The following STX6 variants were observed in gnomAD, a reference collection of about 807,000 sequenced individuals.
STX6 encodes the protein syntaxin 6.
STX6 carries 23 observed loss-of-function variants against 38.0 expected under a neutral mutation model. The observed-to-expected ratio is 0.60, with a 90% CI of 0.43 to 0.86. The LOEUF (loss-of-function observed/expected upper bound fraction) is 0.86, where lower values mean the gene tolerates loss of function less well. STX6 is among the 40% of genes least tolerant of loss of function. The probability of loss-of-function intolerance (pLI) is 0.00; values close to 1 mark genes in which losing one functional copy is unlikely to be tolerated. For synonymous variants in STX6, 123 were observed against 107.5 expected, an observed-to-expected ratio of 1.14 and a Z score of -0.89; for missense variants, 274 against 312.9, an observed-to-expected ratio of 0.88 and a Z score of 0.94.
intron 3 of STX6, among the ~76,000 whole-genome samples, chr1:180,996,524 C>G (rs1266206733): frequency 6.6e-6 from 1 of 152,082 alleles, no homozygotes; most frequent in African/African-American, 2.4e-5. Context: ...TTCTGATACT[C>G]TATCAGAAAT....
At chr1:180,980,197 ACTCTGT>A (rs1571323740) in intron 7 of STX6, among the ~76,000 whole-genome samples, 1 of 109,490 alleles carries the variant, frequency 9.1e-6, no homozygotes, top group East Asian at 2.9e-4. Flanking sequence ...ACAGAGTCAG[ACTCTGT>A]CTCAAAAAAA....
intron 7 of STX6, among the ~76,000 whole-genome samples, chr1:180,977,737 C>A (rs1211689096): frequency 6.6e-6 from 1 of 152,316 alleles, no homozygotes; most frequent in East Asian, 1.9e-4. Context: ...GATTTTAGCA[C>A]ACTATAGTTA....
At chr1:180,986,580 G>A (rs997611424) in intron 6 of STX6, among the ~76,000 whole-genome samples, 2 of 152,174 alleles carry the variant, frequency 1.3e-5, no homozygotes, top group Non-Finnish European at 2.9e-5. Flanking sequence ...GGTCTCCTCT[G>A]TCACCCAGGT....
intron 1 of STX6, among the ~76,000 whole-genome samples, chr1:181,021,110 C>T (rs940400152): frequency 6.6e-6 from 1 of 151,556 alleles, no homozygotes; most frequent in Admixed American, 6.6e-5. Flanking sequence ...TATAGGATAC[C>T]ATCAAGAAAA....
At chr1:181,019,400 T>C (rs2102336710) in intron 1 of STX6, among the ~76,000 whole-genome samples, 1 of 148,806 alleles carries the variant, frequency 6.7e-6, no homozygotes, top group South Asian at 2.1e-4. Flanking sequence ...CATAGTCTAA[T>C]AATGAAAGAG....
At chr1:180,988,376 T>G in intron 5 of STX6, 31 bp from the exon 6 acceptor site, 1 of 1,566,018 alleles carries the variant, frequency 6.4e-7, no homozygotes, top group South Asian at 1.1e-5. Context: ...AATAAGCAAT[T>G]AAAATCCATC....
rs994697140 is a variant in STX6, at chr1:180,984,756, G to A, written c.612C>T (p.Phe204=). 1.5e-5 allele frequency: 23 copies of A among 1,577,704 alleles called. No individual in the cohort carries two copies. Among genetic ancestry groups the A allele is most frequent in the Non-Finnish European group, 1.9e-5 (22 of 1,147,156 alleles). ...LEEQAVMLED[F]SHELESTQSR... ...ACTGAGTGCTCTCCAATTCGTGAGA[G>A]AAATCTTCCAACATACTAGAGAGAA... The change falls in exon 7 of 8, where the codon TTC becomes TTT. Residue 204 remains phenylalanine, a synonymous_variant. Coordinates refer to ENST00000258301, the MANE Select transcript of STX6 (RefSeq NM_005819.6).
chr1:181,022,562 C>A, intron 1 of STX6, 77 bp downstream of exon 1: 4 of 1,494,280 alleles, frequency 2.7e-6, no homozygotes, highest in Non-Finnish European at 3.7e-6. Flanking sequence ...CCTCCCCCCA[C>A]TGCGAGAAGA....
chr1:181,008,047 A>G (rs1656278781), intron 1 of STX6, among the ~76,000 whole-genome samples: 1 of 152,230 alleles, frequency 6.6e-6, no homozygotes, highest in Non-Finnish European at 1.5e-5. Context: ...AGGGAGGAGA[A>G]TTTTAATAGT....
intron 3 of STX6, among the ~76,000 whole-genome samples, chr1:180,994,389 T>G (rs924241291): frequency 4.6e-5 from 7 of 152,168 alleles, no homozygotes; most frequent in Admixed American, 1.3e-4. Context: ...ATCTATCCAT[T>G]TAGCAAACAC....
chr1:180,982,155 G>A lies in STX6; in HGVS notation c.691+2522C>T, dbSNP rs527612862. 7.9e-5 allele frequency among the ~76,000 whole-genome samples: 12 copies of A among 152,264 alleles called. No individual in the cohort carries two copies. The South Asian group carries it at 1.2e-3, about 16-fold the overall frequency. Reference sequence around the variant, plus strand: ...CAGCCACGGGGAGCGGAGATGGTCCGCCTGTGTGCCTGTAACTACTTAATC... The same window carrying A: ...CAGCCACGGGGAGCGGAGATGGTCCACCTGTGTGCCTGTAACTACTTAATC... On this transcript the variant is annotated intron_variant, in intron 7 of 7. Transcript: ENST00000258301.
At chr1:180,992,168 G>C (rs976000162) in intron 4 of STX6, among the ~76,000 whole-genome samples, 1 of 151,986 alleles carries the variant, frequency 6.6e-6, no homozygotes, top group African/African-American at 2.4e-5. Context: ...TTCAAGAGAG[G>C]GAGCCAGATG....
intron 3 of STX6, among the ~76,000 whole-genome samples, chr1:180,999,930 C>T (rs1004096163): frequency 6.6e-6 from 1 of 152,218 alleles, no homozygotes; most frequent in Non-Finnish European, 1.5e-5. Context: ...GAAATCTCTA[C>T]ATACAAACAC....
chr1:181,013,672 C>T (rs2102331582), intron 1 of STX6, among the ~76,000 whole-genome samples: 1 of 152,242 alleles, frequency 6.6e-6, no homozygotes. Flanking sequence ...ACAATGACCC[C>T]AAAATTTAGT....
chr1:180,981,995 G>GT (rs1316250748), intron 7 of STX6, among the ~76,000 whole-genome samples: 1 of 152,154 alleles, frequency 6.6e-6, no homozygotes, highest in African/African-American at 2.4e-5. Flanking sequence ...ATGTTGGAAA[G>GT]TAAGAGGGAA....
intron 3 of STX6, among the ~76,000 whole-genome samples, chr1:180,998,851 CAT>C (rs1239292534): frequency 6.6e-6 from 1 of 152,222 alleles, no homozygotes; most frequent in Non-Finnish European, 1.5e-5. Flanking sequence ...CTTTCTAACA[CAT>C]GACGTTTAGA....
chr1:181,010,109 G>C (rs1656349018), intron 1 of STX6, among the ~76,000 whole-genome samples: 2 of 152,266 alleles, frequency 1.3e-5, no homozygotes, highest in Admixed American at 6.5e-5. Flanking sequence ...GAAACGTTTT[G>C]GGGTGATGGA....
chr1:180,985,324 A>T (rs1017932168), intron 6 of STX6, among the ~76,000 whole-genome samples: 1 of 152,224 alleles, frequency 6.6e-6, no homozygotes, highest in Non-Finnish European at 1.5e-5. Flanking sequence ...AACATACTCT[A>T]TAACTCTTTG....
chr1:180,992,450 G>C (rs1046674338), intron 4 of STX6, among the ~76,000 whole-genome samples: 2 of 152,148 alleles, frequency 1.3e-5, no homozygotes, highest in African/African-American at 4.8e-5. Flanking sequence ...TTTCTCAAGA[G>C]CCTACTAAAT....
Sources: gnomAD v4.1 joint callset for allele counts (sites outside exome capture counted in the v4.1 genomes callset) on GRCh38, gnomAD v4.1.1 for gene constraint, MANE v1.5 for transcripts, NCBI Gene and HGNC (gene_info 2026-07-23, HGNC 2026-07-21) for gene names.